AAK1: variants seen among roughly 807,000 people sequenced by gnomAD.
AAK1 encodes AP2 associated kinase 1.
A neutral mutation model predicts 116.0 loss-of-function variants in AAK1; 37 were observed. That is an observed-to-expected ratio of 0.32 (90% CI 0.25 to 0.42). AAK1 has a LOEUF of 0.42. AAK1 is among the 10% of genes least tolerant of loss of function. The probability of loss-of-function intolerance (pLI) is 1.00; values close to 1 mark genes in which losing one functional copy is unlikely to be tolerated. For missense variants in AAK1, 919 were observed against 1,170.6 expected (o/e 0.79, Z 3.14); for synonymous variants, 458 against 439.9 (o/e 1.04, Z -0.51).
chr2:69,501,405 TACAC>T (rs1432156562), intron 16 of AAK1, among the ~76,000 whole-genome samples: 1 of 151,980 alleles, frequency 6.6e-6, no homozygotes, highest in African/African-American at 2.4e-5. Context: ...ACTAGGGAAA[TACAC>T]ACTCATTAGA....
chr2:69,591,816 G>A (rs1198202778), intron 2 of AAK1, among the ~76,000 whole-genome samples: 4 of 152,056 alleles, frequency 2.6e-5, no homozygotes, highest in East Asian at 1.9e-4. Context: ...TGATCCGCCC[G>A]CCTCAGCCTC....
chr2:69,465,852 G>A lies in AAK1; in HGVS notation c.*10017C>T. 2 of 1,290,896 alleles carry A rather than the reference G, an allele frequency of 1.5e-6. No individual in the cohort carries two copies. Among genetic ancestry groups the A allele is most frequent in the Non-Finnish European group, 2.0e-6 (2 of 988,878 alleles). The allele number at this position is 1,290,896 out of a possible 1,614,324, so 80.0% of individuals were successfully genotyped here. On this transcript the variant is annotated 3_prime_UTR_variant, in exon 22 of 22. Coordinates refer to ENST00000409085, the MANE Select transcript of AAK1 (RefSeq NM_014911.5). The stretch of plus-strand genomic sequence containing the variant: ...TGTGGAATACTGAGCTTGGACAGAG[G>A]TGTACACAGCTCTCTCACGGCCCGC...
intron 10 of AAK1, among the ~76,000 whole-genome samples, chr2:69,522,288 A>T (rs1669821686): frequency 6.6e-6 from 1 of 152,234 alleles, no homozygotes; most frequent in African/African-American, 2.4e-5. Context: ...ATGAATGTAA[A>T]ACAGGAAGCA....
At chr2:69,611,034 T>C (rs1264349280) in intron 2 of AAK1, among the ~76,000 whole-genome samples, 1 of 152,180 alleles carries the variant, frequency 6.6e-6, no homozygotes, top group East Asian at 1.9e-4. Flanking sequence ...ATACCTGTTA[T>C]GGCTAATATT....
chr2:69,551,750 A>G (rs1423052588), intron 3 of AAK1, among the ~76,000 whole-genome samples: 6 of 152,086 alleles, frequency 3.9e-5, no homozygotes, highest in Non-Finnish European at 2.9e-5. Context: ...TCCAAAACCT[A>G]CCCTCCAAAT....
chr2:69,598,839 G>A, intron 2 of AAK1: 1 of 234,276 alleles, frequency 4.3e-6, no homozygotes, highest in South Asian at 5.2e-5. Context: ...TTTTTATGAA[G>A]AGTTGATGTG....
At chr2:69,525,674 T>C (rs1436731569) in intron 9 of AAK1, among the ~76,000 whole-genome samples, 5 of 152,186 alleles carry the variant, frequency 3.3e-5, no homozygotes, top group African/African-American at 1.2e-4. Flanking sequence ...AGAGTTCCTC[T>C]GGCTTGAAAT....
At position 69,482,744 on chromosome 2, in the gene AAK1, C is replaced by T. The variant is rs1675142484; in HGVS notation, c.2434G>A (p.Asp812Asn). ...LLLPDLLPMT[D>N]PFGSTSDAVI... ...GCATCAGAAGTGCTACCAAAAGGAT[C>T]TGTCATAGGCAAGAGGTCAGGGAGC... The change falls in exon 18 of 22, where the codon GAT (aspartate) becomes AAT (asparagine). Residue 812 changes from aspartate to asparagine, a missense_variant. Coordinates refer to ENST00000409085, the MANE Select transcript of AAK1 (RefSeq NM_014911.5). 4 of 1,613,580 alleles carry T rather than the reference C, an allele frequency of 2.5e-6. No individual in the cohort carries two copies. Among genetic ancestry groups the T allele is most frequent in the Non-Finnish European group, 3.4e-6 (4 of 1,179,504 alleles).
In AAK1 at chr2:69,579,515, G is replaced by A. The variant is rs59452614; in HGVS notation, c.164-22537C>T. On this transcript the variant is annotated intron_variant, in intron 2 of 21. Coordinates refer to ENST00000409085, the MANE Select transcript of AAK1 (RefSeq NM_014911.5). ...GATTGCTTGGGCCCGGGAGGTGGAG[G>A]TTGAAGTGAGCTGAGAAGCTGAGAC... Among the ~76,000 whole-genome samples the A allele has an allele frequency of 6.6e-3, 1,001 of 152,270 alleles. 7 individuals carry two copies. Among genetic ancestry groups the A allele is most frequent in the African/African-American group, 0.022 (929 of 41,546 alleles).
chr2:69,490,921 A>ACC lies in AAK1; in HGVS notation c.2365+5062_2365+5063dup, dbSNP rs1042315403. On this transcript the variant is annotated intron_variant, in intron 17 of 21. Transcript: ENST00000409085. ...TTCTAAAATATATCTATGTGTGTGT[A>ACC]CCCACACACACACACACACACACAC... Among the ~76,000 whole-genome samples, 17 of 122,888 alleles carry ACC rather than the reference A, an allele frequency of 1.4e-4. No homozygotes were observed. The East Asian group carries it at 3.6e-3, about 26-fold the overall frequency. 80.6% of individuals were successfully genotyped at this position (122,888 alleles called of 152,430 possible).
At chr2:69,535,997 G>C (rs1202170224) in intron 5 of AAK1, among the ~76,000 whole-genome samples, 1 of 152,222 alleles carries the variant, frequency 6.6e-6, no homozygotes, top group African/African-American at 2.4e-5. Flanking sequence ...CTTTTACCTA[G>C]AGTATTTCAT....
At chr2:69,562,861 G>T (rs1671704027) in intron 2 of AAK1, among the ~76,000 whole-genome samples, 1 of 152,196 alleles carries the variant, frequency 6.6e-6, no homozygotes, top group Non-Finnish European at 1.5e-5. Flanking sequence ...CTGCACTCCA[G>T]CCTGGGCGAC....
chr2:69,619,854 A>C (rs1427389032), intron 2 of AAK1, among the ~76,000 whole-genome samples: 2 of 152,240 alleles, frequency 1.3e-5, no homozygotes, highest in African/African-American at 4.8e-5. Flanking sequence ...GTATGGATAG[A>C]GAGCAATAAC....
intron 2 of AAK1, among the ~76,000 whole-genome samples, chr2:69,633,890 C>T (rs1675327240): frequency 6.6e-6 from 1 of 152,168 alleles, no homozygotes; most frequent in African/African-American, 2.4e-5. Flanking sequence ...TATGAGAGGG[C>T]CGGGCACAGT....
rs777328815 is a variant in AAK1, at chr2:69,496,080, G to A, written c.2270C>T (p.Ala757Val). 5 of 1,552,844 alleles carry A rather than the reference G, an allele frequency of 3.2e-6. No individual in the cohort carries two copies. In the South Asian group the frequency reaches 5.9e-5, roughly 18 times the overall value. Residue 757 changes from alanine to valine, a missense_variant and splice_region_variant, in exon 17 of 22, where the codon GCT becomes GTT. Coordinates refer to ENST00000409085, the MANE Select transcript of AAK1 (RefSeq NM_014911.5). Reference sequence around the variant, plus strand: ...AGTCTGCCCACCCTTCCTTTTTTCAGCTGGAGTTAGGTTGGAGGGGAAGGA... The same window carrying A: ...AGTCTGCCCACCCTTCCTTTTTTCAACTGGAGTTAGGTTGGAGGGGAAGGA... ...FATTSFSAGT[A>V]EKRKGGQTVD...
At chr2:69,523,140 G>C (rs189217422) in intron 10 of AAK1, among the ~76,000 whole-genome samples, 1 of 152,336 alleles carries the variant, frequency 6.6e-6, no homozygotes, top group East Asian at 1.9e-4. Flanking sequence ...CAAAATATTA[G>C]TTTGTATGGA....
intron 15 of AAK1, among the ~76,000 whole-genome samples, chr2:69,506,113 G>T (rs1233337417): frequency 6.6e-6 from 1 of 152,164 alleles, no homozygotes; most frequent in East Asian, 1.9e-4. Flanking sequence ...ATAATGAGAC[G>T]TTATGAGGGA....
At chr2:69,597,278 G>A (rs149144460) in intron 2 of AAK1, 2 of 152,150 alleles carry the variant, frequency 1.3e-5, no homozygotes, top group African/African-American at 4.8e-5. Context: ...TCATTGACAA[G>A]AAATTAATCA....
chr2:69,470,532 G>C lies in AAK1; in HGVS notation c.*5337C>G. On this transcript the variant is annotated 3_prime_UTR_variant, in exon 22 of 22. Coordinates refer to ENST00000409085, the MANE Select transcript of AAK1 (RefSeq NM_014911.5). Reference sequence around the variant, plus strand: ...GGCCAGCTGTGCCTCTCAGGCCAATGAGGCAATTAAATGAGTGAGTTTTCT... The same window carrying C: ...GGCCAGCTGTGCCTCTCAGGCCAATCAGGCAATTAAATGAGTGAGTTTTCT... The C allele has an allele frequency of 1.0e-6, 1 of 985,446 alleles. No homozygotes were observed. The highest frequency in any genetic ancestry group is 4.7e-5 in the South Asian group (1 of 21,292). The allele number at this position is 985,446 out of a possible 1,614,324, so 61.0% of individuals were successfully genotyped here.
Sources: allele counts gnomAD v4.1 joint callset (sites outside exome capture counted in the v4.1 genomes callset), GRCh38; gene constraint gnomAD v4.1.1; transcripts MANE v1.5; gene names NCBI Gene and HGNC (gene_info 2026-07-23, HGNC 2026-07-21).